Variants in GLRA3 observed in about 807,000 individuals in gnomAD.
GLRA3 encodes glycine receptor subunit alpha-3.
A neutral mutation model predicts 60.4 loss-of-function variants in GLRA3; 44 were observed. The observed-to-expected ratio is 0.73, with a 90% CI of 0.57 to 0.94. GLRA3 has a LOEUF of 0.94. GLRA3 is among the 40% of genes least tolerant of loss of function. GLRA3 has a pLI of 0.00. For missense variants in GLRA3, 508 were observed against 564.6 expected, an observed-to-expected ratio of 0.90 and a Z score of 1.02; for synonymous variants, 223 against 192.9, an observed-to-expected ratio of 1.16 and a Z score of -1.29.
chr4:174,765,913 T>G (rs957042323), intron 3 of GLRA3, among the ~76,000 whole-genome samples: 5 of 151,634 alleles, frequency 3.3e-5, no homozygotes, highest in Admixed American at 6.6e-5. Flanking sequence ...TGCTGGTAAA[T>G]GACTTATATT....
chr4:174,728,847 T>C, intron 3 of GLRA3, 149 bp from the exon 4 acceptor site: 1 of 555,402 alleles, frequency 1.8e-6, no homozygotes, highest in Non-Finnish European at 3.2e-6. Flanking sequence ...TGGAGGAGGC[T>C]ATACAAGTGT....
intron 4 of GLRA3, chr4:174,722,756 C>G (rs1050059688): frequency 6.0e-6 from 1 of 166,584 alleles, no homozygotes; most frequent in Non-Finnish European, 1.5e-5. Flanking sequence ...AAAGCCAGAT[C>G]TCTCATGAAA....
At chr4:174,783,321 G>A (rs1321559684) in intron 2 of GLRA3, among the ~76,000 whole-genome samples, 7 of 138,122 alleles carry the variant, frequency 5.1e-5, no homozygotes, top group African/African-American at 1.9e-4. Flanking sequence ...AATCAATTCA[G>A]GATGGATTAA....
chr4:174,711,644 T>C (rs982840609), intron 5 of GLRA3, among the ~76,000 whole-genome samples: 8 of 151,984 alleles, frequency 5.3e-5, no homozygotes, highest in African/African-American at 1.7e-4. Context: ...TTCACTATAT[T>C]GGCTAGGCTG....
intron 1 of GLRA3, among the ~76,000 whole-genome samples, chr4:174,790,261 T>C (rs374433923): frequency 6.6e-6 from 1 of 152,186 alleles, no homozygotes; most frequent in East Asian, 1.9e-4. Flanking sequence ...TTTTTCTCCC[T>C]ATTCTGTTGG....
At chr4:174,810,706 C>G (rs970850880) in intron 1 of GLRA3, among the ~76,000 whole-genome samples, 1 of 151,932 alleles carries the variant, frequency 6.6e-6, no homozygotes, top group African/African-American at 2.4e-5. Context: ...AATTAAATGG[C>G]TATAATGATT....
At chr4:174,782,584 A>C (rs1738929357) in intron 2 of GLRA3, among the ~76,000 whole-genome samples, 1 of 152,100 alleles carries the variant, frequency 6.6e-6, no homozygotes, top group African/African-American at 2.4e-5. Flanking sequence ...GTCTCAGCCC[A>C]AAATCTCCTT....
At chr4:174,726,091 C>T (rs1016409507) in intron 4 of GLRA3, among the ~76,000 whole-genome samples, 3 of 152,208 alleles carry the variant, frequency 2.0e-5, no homozygotes, top group African/African-American at 7.2e-5. Flanking sequence ...GCATGATGTC[C>T]ACTGACACTA....
chr4:174,720,048 T>G (rs913419645), intron 4 of GLRA3, among the ~76,000 whole-genome samples: 7 of 152,228 alleles, frequency 4.6e-5, no homozygotes, highest in African/African-American at 1.7e-4. Context: ...ATCATGATCT[T>G]TGTCAAGTTG....
At chr4:174,697,258 C>T (rs1407150771) in intron 5 of GLRA3, among the ~76,000 whole-genome samples, 1 of 152,106 alleles carries the variant, frequency 6.6e-6, no homozygotes, top group Non-Finnish European at 1.5e-5. Context: ...ATATTTGGTC[C>T]AGCTATCTCA....
intron 7 of GLRA3, among the ~76,000 whole-genome samples, chr4:174,674,328 G>T (rs1332922712): frequency 2.6e-5 from 4 of 152,128 alleles, no homozygotes; most frequent in Non-Finnish European, 5.9e-5. Flanking sequence ...TTGAAAATTT[G>T]CTGGGAATAG....
chr4:174,745,136 T>C (rs1414981230), intron 3 of GLRA3, among the ~76,000 whole-genome samples: 1 of 152,214 alleles, frequency 6.6e-6, no homozygotes, highest in East Asian at 1.9e-4. Context: ...AAAATCTTTA[T>C]GATATGTGGG....
chr4:174,670,521 C>T (rs539712430), intron 7 of GLRA3, among the ~76,000 whole-genome samples: 9 of 152,224 alleles, frequency 5.9e-5, no homozygotes, highest in South Asian at 4.1e-4. Flanking sequence ...ACATTGTTTA[C>T]GTAGTCTCCA....
chr4:174,781,803 T>C (rs1446652817), intron 2 of GLRA3, among the ~76,000 whole-genome samples: 1 of 152,224 alleles, frequency 6.6e-6, no homozygotes, highest in African/African-American at 2.4e-5. Context: ...TAACATGCTC[T>C]GCAATTGTGG....
At chr4:174,740,790 A>T (rs1736990899) in intron 3 of GLRA3, among the ~76,000 whole-genome samples, 1 of 152,150 alleles carries the variant, frequency 6.6e-6, no homozygotes. Context: ...ATTCCCTCAA[A>T]GCCAGTGATG....
chr4:174,728,456 A>G lies in GLRA3; in HGVS notation c.491+19T>C, dbSNP rs1264826554. The G allele has an allele frequency of 1.5e-6, 2 of 1,341,398 alleles. No homozygotes were observed. Among genetic ancestry groups the G allele is most frequent in the East Asian group, 4.6e-5 (2 of 43,468 alleles). 83.1% of individuals were successfully genotyped at this position (1,341,398 alleles called of 1,614,324 possible). A position where few individuals can be genotyped will look rare whatever the true frequency, so the allele number is the denominator to read the frequency against. On this transcript the variant is annotated intron_variant, in intron 4 of 9. Transcript: ENST00000274093. The stretch of plus-strand genomic sequence containing the variant: ...ATATTCTATTTCACTGAAATCGGCA[A>G]TTTAAGTCCACGACTCACCTTATTG...
At chr4:174,708,613 T>C (rs1735598534) in intron 5 of GLRA3, among the ~76,000 whole-genome samples, 1 of 151,322 alleles carries the variant, frequency 6.6e-6, no homozygotes, top group East Asian at 1.9e-4. Flanking sequence ...TTTTTTTTTT[T>C]TTTGAGATGG....
intron 1 of GLRA3, among the ~76,000 whole-genome samples, chr4:174,794,781 G>C (rs1739495586): frequency 6.6e-6 from 1 of 151,966 alleles, no homozygotes. Flanking sequence ...TCTGATATTG[G>C]TTCTGTAAAA....
intron 5 of GLRA3, among the ~76,000 whole-genome samples, chr4:174,707,700 T>G (rs1023807520): frequency 1.3e-5 from 2 of 152,176 alleles, no homozygotes; most frequent in African/African-American, 4.8e-5. Context: ...CAATTACAAT[T>G]TATAAATATT....
Sources: allele counts gnomAD v4.1 joint callset (sites outside exome capture counted in the v4.1 genomes callset), GRCh38; gene constraint gnomAD v4.1.1; transcripts MANE v1.5; gene names NCBI Gene and HGNC (gene_info 2026-07-23, HGNC 2026-07-21).